OSBPL6: variants seen among roughly 807,000 people sequenced by gnomAD.
OSBPL6 encodes oxysterol binding protein like 6.
A neutral mutation model predicts 125.8 loss-of-function variants in OSBPL6; 49 were observed. The observed-to-expected ratio is 0.39, with a 90% CI of 0.31 to 0.49. OSBPL6 has a LOEUF of 0.49. OSBPL6 is among the 20% of genes least tolerant of loss of function. The probability of loss-of-function intolerance (pLI) is 0.88; values close to 1 mark genes in which losing one functional copy is unlikely to be tolerated. For synonymous variants in OSBPL6, 394 were observed against 391.8 expected (o/e 1.01, Z -0.07); for missense variants, 986 against 1,135.4 (o/e 0.87, Z 1.89).
intron 1 of OSBPL6, among the ~76,000 whole-genome samples, chr2:178,248,940 A>G (rs1167507192): frequency 1.3e-5 from 2 of 151,304 alleles, no homozygotes; most frequent in Admixed American, 6.6e-5. Flanking sequence ...TTTTCATTCT[A>G]TTTATTTATT....
Position 178,225,003 on chromosome 2 carries a change from T to TCTC in OSBPL6, c.-351+30329_-351+30330insCTC, listed in dbSNP as rs2090492179. Among the ~76,000 whole-genome samples the TCTC allele has an allele frequency of 8.9e-4, 132 of 148,536 alleles. 1 individual carries two copies. Among genetic ancestry groups the TCTC allele is most frequent in the African/African-American group, 3.1e-3 (124 of 40,558 alleles). ...TCTCTCTCTGCTTCTCTCTCTCTCT[T>TCTC]TCTCTCTCTCTCTCTCTCTCTCTGA... On this transcript the variant is annotated intron_variant, in intron 1 of 24. Coordinates refer to ENST00000190611, the MANE Select transcript of OSBPL6 (RefSeq NM_032523.4).
intron 1 of OSBPL6, among the ~76,000 whole-genome samples, chr2:178,214,249 C>T (rs1459856007): frequency 2.6e-5 from 4 of 152,172 alleles, no homozygotes; most frequent in Non-Finnish European, 5.9e-5. Context: ...TTCTAGGAGC[C>T]TGACTACTTC....
chr2:178,227,523 A>G (rs1163511132), intron 1 of OSBPL6, among the ~76,000 whole-genome samples: 1 of 152,228 alleles, frequency 6.6e-6, no homozygotes, highest in Non-Finnish European at 1.5e-5. Context: ...TGCCCTGTAC[A>G]TATAAAAAAC....
intron 21 of OSBPL6, among the ~76,000 whole-genome samples, chr2:178,390,420 C>A (rs1695305304): frequency 6.6e-6 from 1 of 152,216 alleles, no homozygotes; most frequent in Non-Finnish European, 1.5e-5. Flanking sequence ...CCACAAACAA[C>A]CACCCTTGGC....
intron 2 of OSBPL6, among the ~76,000 whole-genome samples, chr2:178,298,694 G>GTTTTTTTTTTTTTTTTT (rs757606940): frequency 1.4e-5 from 2 of 139,428 alleles, no homozygotes; most frequent in African/African-American, 2.6e-5. Flanking sequence ...ATTTTTAGTT[G>GTTTTTTTTTTTTTTTTT]CTTTTTTTTT....
At chr2:178,315,528 C>G (rs1574845971) in intron 3 of OSBPL6, among the ~76,000 whole-genome samples, 1 of 152,182 alleles carries the variant, frequency 6.6e-6, no homozygotes, top group East Asian at 1.9e-4. Context: ...GAACCCAGTG[C>G]TACTTGGTTA....
intron 4 of OSBPL6, 27 bp downstream of exon 4, chr2:178,324,296 C>CTGCTG: frequency 6.7e-7 from 1 of 1,493,814 alleles, no homozygotes; most frequent in South Asian, 1.2e-5. Context: ...GGTGCTTTCT[C>CTGCTG]TGCTGGCATG....
At position 178,297,132 on chromosome 2, in the gene OSBPL6, G is replaced by A. The variant is rs114746839; in HGVS notation, c.-155-8898G>A. On this transcript the variant is annotated intron_variant, in intron 2 of 24. Transcript: ENST00000190611. ...TCCTAATGTCCCTCAGGCCCCTATA[G>A]TACTGTTAGCAGTCTGGCAGGCCTT... is the stretch of plus-strand genomic sequence containing the variant. Among the ~76,000 whole-genome samples the A allele has an allele frequency of 2.9e-3, 448 of 152,188 alleles. 5 individuals carry two copies. Among genetic ancestry groups the A allele is most frequent in the African/African-American group, 0.011 (437 of 41,508 alleles).
At chr2:178,210,567 G>A (rs1397290442) in intron 1 of OSBPL6, among the ~76,000 whole-genome samples, 2 of 152,072 alleles carry the variant, frequency 1.3e-5, no homozygotes, top group African/African-American at 2.4e-5. Flanking sequence ...TAGCACTTTG[G>A]GAGGCTGAGG....
At chr2:178,342,624 G>C (rs1229409673) in intron 11 of OSBPL6, among the ~76,000 whole-genome samples, 1 of 152,106 alleles carries the variant, frequency 6.6e-6, no homozygotes, top group African/African-American at 2.4e-5. Flanking sequence ...TTTAGAATAA[G>C]GATTTCTTCT....
intron 2 of OSBPL6, among the ~76,000 whole-genome samples, chr2:178,288,157 G>A (rs180766005): frequency 1.1e-4 from 17 of 152,238 alleles, no homozygotes; most frequent in African/African-American, 3.1e-4. Flanking sequence ...AATTGGCAAT[G>A]CAGACACCAT....
chr2:178,352,472 G>T (rs1193325738), intron 12 of OSBPL6, among the ~76,000 whole-genome samples: 2 of 152,216 alleles, frequency 1.3e-5, no homozygotes, highest in African/African-American at 4.8e-5. Flanking sequence ...TGCCCATGGA[G>T]CCTTGCTTAC....
chr2:178,346,936 C>T (rs1040630138), intron 11 of OSBPL6, among the ~76,000 whole-genome samples: 1 of 152,058 alleles, frequency 6.6e-6, no homozygotes, highest in African/African-American at 2.4e-5. Flanking sequence ...TTCTCAATTC[C>T]CAGGGAACCA....
chr2:178,288,879 A>G (rs1420477135), intron 2 of OSBPL6, among the ~76,000 whole-genome samples: 1 of 151,798 alleles, frequency 6.6e-6, no homozygotes, highest in Non-Finnish European at 1.5e-5. Context: ...TGAACTCCTG[A>G]CCTCAAGTGA....
chr2:178,366,052 G>T (rs1023962103), intron 13 of OSBPL6, among the ~76,000 whole-genome samples: 1 of 151,988 alleles, frequency 6.6e-6, no homozygotes, highest in Admixed American at 6.6e-5. Context: ...CACCACGTCC[G>T]GCTAATTTTT....
chr2:178,208,128 T>C (rs545331075), intron 1 of OSBPL6, among the ~76,000 whole-genome samples: 8 of 151,742 alleles, frequency 5.3e-5, no homozygotes, highest in Non-Finnish European at 1.0e-4. Context: ...CTACTAAAAA[T>C]ACAAAAAATT....
intron 1 of OSBPL6, among the ~76,000 whole-genome samples, chr2:178,251,098 C>T (rs980461830): frequency 6.6e-6 from 1 of 152,132 alleles, no homozygotes; most frequent in African/African-American, 2.4e-5. Flanking sequence ...GAGCCTAAGG[C>T]CTTCAGGCAT....
intron 3 of OSBPL6, among the ~76,000 whole-genome samples, chr2:178,318,612 A>G (rs932733871): frequency 6.6e-6 from 1 of 152,210 alleles, no homozygotes; most frequent in Non-Finnish European, 1.5e-5. Context: ...GATGCAATCT[A>G]TGCCGCCATC....
At chr2:178,281,630 T>C (rs147942361) in intron 1 of OSBPL6, among the ~76,000 whole-genome samples, 301 of 152,288 alleles carry the variant, frequency 2.0e-3, no homozygotes, top group Middle Eastern at 0.01. Flanking sequence ...TGTGTCTGTA[T>C]TTGATCATGT....
Sources: allele counts gnomAD v4.1 joint callset (sites outside exome capture counted in the v4.1 genomes callset), GRCh38; gene constraint gnomAD v4.1.1; transcripts MANE v1.5; gene names NCBI Gene and HGNC (gene_info 2026-07-23, HGNC 2026-07-21).